CHN2: variants seen among roughly 807,000 people sequenced by gnomAD.
CHN2 encodes the protein beta-chimaerin.
Under a neutral mutation model 56.3 loss-of-function variants are expected in CHN2, and 35 were observed. The observed-to-expected ratio is 0.62, with a 90% CI of 0.47 to 0.82. The LOEUF (loss-of-function observed/expected upper bound fraction) is 0.82. CHN2 is among the 40% of genes least tolerant of loss of function. The probability of loss-of-function intolerance (pLI) is 0.00; values close to 1 mark genes in which losing one functional copy is unlikely to be tolerated. For synonymous variants in CHN2, 210 were observed against 212.8 expected, an observed-to-expected ratio of 0.99 and a Z score of 0.12; for missense variants, 491 against 580.5, an observed-to-expected ratio of 0.85 and a Z score of 1.58.
At position 29,493,691 on chromosome 7, in the gene CHN2, G is replaced by C. The variant is rs112585047; in HGVS notation, c.655-2261G>C. ...TCCCTCAAAGGCCCACACTTCTACT[G>C]TCAGGTCCTATAAATTCTGTCTTCA... is the stretch of plus-strand genomic sequence containing the variant. On this transcript the variant is annotated intron_variant, in intron 7 of 12. Coordinates refer to ENST00000222792, the MANE Select transcript of CHN2 (RefSeq NM_004067.4). Among the ~76,000 whole-genome samples, 7 of 152,048 alleles carry C rather than the reference G, an allele frequency of 4.6e-5. No individual in the cohort carries two copies. In the East Asian group the frequency reaches 5.8e-4, roughly 13 times the overall value.
intron 3 of CHN2, among the ~76,000 whole-genome samples, chr7:29,371,236 A>T (rs1441802807): frequency 1.3e-5 from 2 of 152,202 alleles, no homozygotes; most frequent in Non-Finnish European, 2.9e-5. Context: ...AGAAGAAAGC[A>T]AGATGCCCAG....
chr7:29,218,495 C>A (rs900164943), intron 1 of CHN2, among the ~76,000 whole-genome samples: 1 of 152,096 alleles, frequency 6.6e-6, no homozygotes, highest in African/African-American at 2.4e-5. Flanking sequence ...TATAAAGACA[C>A]ATGCACACGT....
At chr7:29,319,244 A>C (rs1366695346) in intron 1 of CHN2, among the ~76,000 whole-genome samples, 1 of 152,206 alleles carries the variant, frequency 6.6e-6, no homozygotes, top group African/African-American at 2.4e-5. Flanking sequence ...AATCATCACA[A>C]AAAGAAAAAG....
In CHN2 at chr7:29,254,158, C is replaced by G. The variant is rs565720322; in HGVS notation, c.49+59168C>G. Among the ~76,000 whole-genome samples, 4 of 152,326 alleles carry G rather than the reference C, an allele frequency of 2.6e-5. No homozygotes were observed. The South Asian group carries it at 8.3e-4, about 32-fold the overall frequency. ...GACCTCGTGATCCATCTGCCTTGGCCTCCCAAAGTGCTGGGATTACAGGCG... is the reference window on the plus strand; with the variant it reads ...GACCTCGTGATCCATCTGCCTTGGCGTCCCAAAGTGCTGGGATTACAGGCG... On this transcript the variant is annotated intron_variant, in intron 1 of 12. Coordinates refer to ENST00000222792, the MANE Select transcript of CHN2 (RefSeq NM_004067.4).
intron 6 of CHN2, among the ~76,000 whole-genome samples, chr7:29,452,025 G>T (rs976206434): frequency 6.6e-5 from 10 of 152,220 alleles, no homozygotes; most frequent in Non-Finnish European, 1.3e-4. Context: ...TGGGCAGGTT[G>T]CACGTGTGTG....
chr7:29,364,207 G>C (rs1262528155), intron 2 of CHN2, among the ~76,000 whole-genome samples: 3 of 152,184 alleles, frequency 2.0e-5, no homozygotes, highest in Non-Finnish European at 4.4e-5. Flanking sequence ...CAGGCACTTG[G>C]TATGCTGGTG....
intron 1 of CHN2, among the ~76,000 whole-genome samples, chr7:29,328,681 A>G (rs796465635): frequency 6.6e-6 from 1 of 151,932 alleles, no homozygotes; most frequent in African/African-American, 2.4e-5. Flanking sequence ...AAAAAAAAAA[A>G]AAAGAAACAG....
chr7:29,501,964 A>G (rs1056107673), intron 9 of CHN2, among the ~76,000 whole-genome samples: 1 of 152,190 alleles, frequency 6.6e-6, no homozygotes, highest in Non-Finnish European at 1.5e-5. Flanking sequence ...TTCTTCATCT[A>G]TAATATGAAT....
At chr7:29,296,342 C>T (rs1056192100) in intron 1 of CHN2, among the ~76,000 whole-genome samples, 18 of 152,202 alleles carry the variant, frequency 1.2e-4, no homozygotes, top group Admixed American at 1.2e-3. Flanking sequence ...GCCTTGGCCT[C>T]CCAAAGTGCT....
Position 29,194,905 on chromosome 7 carries a change from G to A in CHN2, c.-37G>A, listed in dbSNP as rs758717535. 2 of 1,510,632 alleles carry A rather than the reference G, an allele frequency of 1.3e-6. No individual in the cohort carries two copies. Among genetic ancestry groups the A allele is most frequent in the Admixed American group, 4.2e-5 (2 of 47,174 alleles). 93.6% of individuals were successfully genotyped at this position (1,510,632 alleles called of 1,614,324 possible). A position where few individuals can be genotyped will look rare whatever the true frequency, so the allele number is the denominator to read the frequency against. ...GGGCAGCGGCGGCGGCGTCCGCACC[G>A]GGGCTGAGCGAGCAGCGACGCGAGG... On this transcript the variant is annotated 5_prime_UTR_variant, in exon 1 of 13. Transcript: ENST00000222792.
At chr7:29,271,587 C>T (rs1055873093) in intron 1 of CHN2, among the ~76,000 whole-genome samples, 3 of 152,168 alleles carry the variant, frequency 2.0e-5, no homozygotes, top group African/African-American at 7.2e-5. Context: ...CAGGTGCTTG[C>T]TGTTCAGGTT....
At chr7:29,281,765 G>T (rs536359840) in intron 1 of CHN2, among the ~76,000 whole-genome samples, 1 of 152,154 alleles carries the variant, frequency 6.6e-6, no homozygotes, top group South Asian at 2.1e-4. Context: ...GTACAGCCCC[G>T]TCAAGCCATT....
intron 3 of CHN2, among the ~76,000 whole-genome samples, chr7:29,378,017 G>T (rs1317955967): frequency 6.6e-6 from 1 of 152,038 alleles, no homozygotes; most frequent in Non-Finnish European, 1.5e-5. Flanking sequence ...GATCTCCCTG[G>T]GTATTTCTAC....
intron 1 of CHN2, among the ~76,000 whole-genome samples, chr7:29,271,222 A>G (rs987338564): frequency 6.6e-6 from 1 of 152,198 alleles, no homozygotes; most frequent in Admixed American, 6.5e-5. Flanking sequence ...TGGCTGTGGT[A>G]GGTCCCTGCC....
intron 6 of CHN2, among the ~76,000 whole-genome samples, chr7:29,476,121 TTACCAGC>T (rs1326910489): frequency 6.6e-6 from 1 of 152,218 alleles, no homozygotes; most frequent in Non-Finnish European, 1.5e-5. Flanking sequence ...ATTCTACCAC[TTACCAGC>T]TATGTGGCCA....
chr7:29,360,477 G>A (rs1036111737), intron 2 of CHN2, among the ~76,000 whole-genome samples: 1 of 152,158 alleles, frequency 6.6e-6, no homozygotes, highest in Admixed American at 6.5e-5. Flanking sequence ...CCGAGATCAT[G>A]CCATTGCACT....
chr7:29,238,938 G>A (rs1168114147), intron 1 of CHN2, among the ~76,000 whole-genome samples: 6 of 152,226 alleles, frequency 3.9e-5, no homozygotes, highest in African/African-American at 1.4e-4. Flanking sequence ...TGAGGAGAGG[G>A]TGGTTCATAG....
intron 2 of CHN2, among the ~76,000 whole-genome samples, chr7:29,164,413 C>A (rs1584503644): frequency 1.3e-5 from 2 of 152,000 alleles, no homozygotes; most frequent in South Asian, 4.1e-4. Flanking sequence ...ATATATTTTG[C>A]AGATAATTTT....
chr7:29,177,596 C>A (rs1362424456), intron 2 of CHN2, among the ~76,000 whole-genome samples: 1 of 151,366 alleles, frequency 6.6e-6, no homozygotes, highest in African/African-American at 2.4e-5. Context: ...TTCCTCTGTC[C>A]CCTCATTTTT....
Sources: gnomAD v4.1 joint callset for allele counts (sites outside exome capture counted in the v4.1 genomes callset) on GRCh38, gnomAD v4.1.1 for gene constraint, MANE v1.5 for transcripts, NCBI Gene and HGNC (gene_info 2026-07-23, HGNC 2026-07-21) for gene names.